Variants in IKBKB-DT observed in about 807,000 individuals in gnomAD.
IKBKB-DT encodes the protein IKBKB antisense RNA.
intron 3 of IKBKB-DT, among the ~76,000 whole-genome samples, chr8:42,240,395 C>T (rs112137407): frequency 8.0e-5 from 12 of 150,758 alleles, no homozygotes; most frequent in African/African-American, 1.7e-4. Context: ...GAGGCCGAGG[C>T]GGGCAGATCA....
intron 3 of IKBKB-DT, among the ~76,000 whole-genome samples, chr8:42,240,996 T>C (rs1455781105): frequency 6.6e-6 from 1 of 152,134 alleles, no homozygotes; most frequent in East Asian, 1.9e-4. Flanking sequence ...GTGGTACATT[T>C]AGGACACCGA....
In IKBKB-DT at chr8:42,266,982, T is replaced by C. The variant is rs138369006; in HGVS notation, n.604-586A>G. On this transcript the variant is annotated intron_variant and non_coding_transcript_variant, in intron 1 of 3. Coordinates refer to ENST00000518213, the Ensembl canonical transcript of IKBKB-DT. ...GCCGTTCTGTTATTCCTTTACCTTC[T>C]TTTTTTGTTTGTTTTTTTTTTGTTT... Among the ~76,000 whole-genome samples, 853 of 151,110 alleles carry C rather than the reference T, an allele frequency of 5.6e-3. 4 individuals are homozygous for C. The highest frequency in any genetic ancestry group is 0.019 in the African/African-American group (776 of 40,640).
At position 42,267,583 on chromosome 8, in the gene IKBKB-DT, GC is replaced by G. The variant is rs1464029927; in HGVS notation, n.604-1188del. 3.3e-5 allele frequency among the ~76,000 whole-genome samples: 5 copies of G among 152,098 alleles called. 1 individual carries two copies. The highest frequency in any genetic ancestry group is 1.2e-4 in the African/African-American group (5 of 41,412). ...TGCTTGGATCCCCTGGGTCAGTAAT[GC>G]CCTGGGCTGAGCTAGGCACTCTGGC... On this transcript the variant is annotated intron_variant and non_coding_transcript_variant, in intron 1 of 3. Transcript: ENST00000518213.
At chr8:42,236,903 A>G (rs1806930398) in intron 3 of IKBKB-DT, among the ~76,000 whole-genome samples, 1 of 152,190 alleles carries the variant, frequency 6.6e-6, no homozygotes, top group African/African-American at 2.4e-5. Context: ...TTTTTAAATT[A>G]GAGACAAGGT....
exon 3 of IKBKB-DT, chr8:42,263,400 C>T (rs1165035629): frequency 6.6e-6 from 1 of 152,220 alleles, no homozygotes; most frequent in Non-Finnish European, 1.5e-5. Flanking sequence ...GAGATCCCAT[C>T]TGGGTCACCG....
chr8:42,244,622 C>A (rs1385970133), intron 3 of IKBKB-DT, among the ~76,000 whole-genome samples: 1 of 152,054 alleles, frequency 6.6e-6, no homozygotes, highest in Non-Finnish European at 1.5e-5. Context: ...CTCACTGCAG[C>A]CTTGACCTCC....
chr8:42,242,120 C>A (rs1258142664), intron 3 of IKBKB-DT, among the ~76,000 whole-genome samples: 1 of 152,108 alleles, frequency 6.6e-6, no homozygotes, highest in Admixed American at 6.6e-5. Flanking sequence ...GAGGCTGAGG[C>A]AGGAGAATTG....
At chr8:42,234,461 A>T (rs1806892479) in intron 3 of IKBKB-DT, among the ~76,000 whole-genome samples, 1 of 152,264 alleles carries the variant, frequency 6.6e-6, no homozygotes, top group African/African-American at 2.4e-5. Flanking sequence ...TCTGTGATAC[A>T]CAACATTTTA....
intron 1 of IKBKB-DT, chr8:42,270,606 T>A (rs1807574277): frequency 1.3e-5 from 2 of 152,224 alleles, no homozygotes; most frequent in African/African-American, 4.8e-5. Flanking sequence ...GTTCCTTTGG[T>A]AGTTTTTTTC....
chr8:42,269,956 A>G (rs1194889782), intron 1 of IKBKB-DT, among the ~76,000 whole-genome samples: 1 of 152,212 alleles, frequency 6.6e-6, no homozygotes, highest in African/African-American at 2.4e-5. Context: ...AAAAATGACA[A>G]TTAAATGCAA....
chr8:42,264,913 A>G (rs1042282859), intron 2 of IKBKB-DT, among the ~76,000 whole-genome samples: 2 of 148,416 alleles, frequency 1.3e-5, no homozygotes, highest in Non-Finnish European at 3.0e-5. Flanking sequence ...CCCAGGCTGG[A>G]GTGCAATGGC....
At chr8:42,251,828 CAAA>C (rs59420104) in intron 3 of IKBKB-DT, among the ~76,000 whole-genome samples, 5 of 91,444 alleles carry the variant, frequency 5.5e-5, no homozygotes, top group Admixed American at 1.2e-4. Context: ...GACTCCATCT[CAAA>C]AAAAAAAAAA....
rs139536036 is a variant in IKBKB-DT, at chr8:42,261,284, C to T, written n.1529+2045G>A. Among the ~76,000 whole-genome samples the T allele has an allele frequency of 3.7e-3, 564 of 152,212 alleles. 3 individuals are homozygous for T. Among genetic ancestry groups the T allele is most frequent in the Non-Finnish European group, 4.9e-3 (333 of 68,008 alleles). On this transcript the variant is annotated intron_variant and non_coding_transcript_variant, in intron 3 of 3. Transcript: ENST00000518213. The stretch of plus-strand genomic sequence containing the variant: ...TCGAGGCTGCAGTGAGCCATGATCA[C>T]GCAACTGCACTCCAGCCTGGGTGAC...
At chr8:42,248,681 C>A (rs1807092029) in intron 3 of IKBKB-DT, among the ~76,000 whole-genome samples, 1 of 151,770 alleles carries the variant, frequency 6.6e-6, no homozygotes, top group Admixed American at 6.6e-5. Context: ...GAGTTCGAGG[C>A]CAGCCTGGCC....
At chr8:42,256,436 G>A (rs1053120086) in intron 3 of IKBKB-DT, among the ~76,000 whole-genome samples, 1 of 151,790 alleles carries the variant, frequency 6.6e-6, no homozygotes, top group Non-Finnish European at 1.5e-5. Context: ...GCTGTGGGTG[G>A]TGGCATGCGC....
intron 3 of IKBKB-DT, among the ~76,000 whole-genome samples, chr8:42,249,925 A>T (rs934776549): frequency 3.3e-5 from 5 of 152,106 alleles, no homozygotes; most frequent in African/African-American, 9.7e-5. Context: ...AAAAATAAAA[A>T]AAAAAAATTC....
intron 3 of IKBKB-DT, among the ~76,000 whole-genome samples, chr8:42,263,042 A>AT (rs1435216826): frequency 6.6e-6 from 1 of 151,586 alleles, no homozygotes; most frequent in East Asian, 1.9e-4. Context: ...CGCCCTGCTA[A>AT]TTTTTTGTAT....
chr8:42,270,511 A>G (rs1046898546), intron 1 of IKBKB-DT: 1 of 152,282 alleles, frequency 6.6e-6, no homozygotes, highest in Non-Finnish European at 1.5e-5. Context: ...AGGATTGAAT[A>G]AGGAAATCTA....
chr8:42,264,119 T>C (rs1429342712), intron 2 of IKBKB-DT, among the ~76,000 whole-genome samples: 1 of 151,406 alleles, frequency 6.6e-6, no homozygotes, highest in African/African-American at 2.4e-5. Flanking sequence ...GCTGGGCTTT[T>C]TTTTTTGGTA....
Sources: allele counts gnomAD v4.1 joint callset (sites outside exome capture counted in the v4.1 genomes callset), GRCh38; gene constraint gnomAD v4.1.1; transcripts MANE v1.5; gene names NCBI Gene and HGNC (gene_info 2026-07-23, HGNC 2026-07-21).